The following TFB1M variants were observed in gnomAD, a reference collection of about 807,000 sequenced individuals.
TFB1M encodes the protein transcription factor B1, mitochondrial.
TFB1M carries 27 observed loss-of-function variants against 31.1 expected under a neutral mutation model. The ratio of observed to expected loss-of-function variants is 0.87; its 90% CI spans 0.64 to 1.20. The LOEUF is 1.20. Among genes scored for constraint, TFB1M ranks in the 50% most tolerant of loss-of-function variants. The pLI, the probability that TFB1M is intolerant of heterozygous loss-of-function variation, is 0.00. For synonymous variants in TFB1M, 166 were observed against 151.8 expected, an observed-to-expected ratio of 1.09 and a Z score of -0.69; for missense variants, 394 against 418.7, an observed-to-expected ratio of 0.94 and a Z score of 0.51.
chr6:155,289,322 A>T (rs919925041), intron 4 of TFB1M, among the ~76,000 whole-genome samples: 10 of 152,218 alleles, frequency 6.6e-5, no homozygotes, highest in African/African-American at 2.4e-4. Context: ...CTTGCACATC[A>T]TGACTTTAGC....
At chr6:155,275,531 T>G in intron 5 of TFB1M, 2 of 593,132 alleles carry the variant, frequency 3.4e-6, no homozygotes, top group Non-Finnish European at 6.0e-6. Flanking sequence ...GATACTCAGA[T>G]GTGTTCTTGG....
downstream of TFB1M, chr6:155,254,213 A>C: frequency 5.1e-6 from 5 of 981,054 alleles, no homozygotes; most frequent in Non-Finnish European, 7.5e-6. Context: ...CTAGTAGGAG[A>C]CTATGTTGAT....
At chr6:155,299,945 T>C (rs1304227132) in intron 2 of TFB1M, among the ~76,000 whole-genome samples, 1 of 152,232 alleles carries the variant, frequency 6.6e-6, no homozygotes, top group Admixed American at 6.5e-5. Flanking sequence ...CAAGGACATA[T>C]GCTCCTTAAG....
intron 5 of TFB1M, among the ~76,000 whole-genome samples, chr6:155,261,770 G>T (rs751926398): frequency 1.3e-5 from 2 of 151,876 alleles, no homozygotes; most frequent in Admixed American, 6.6e-5. Context: ...AGGCTTTGGT[G>T]GTAAGGGGCG....
downstream of TFB1M, chr6:155,252,773 A>G (rs1783745744): frequency 1.7e-6 from 1 of 588,928 alleles, no homozygotes; most frequent in South Asian, 2.2e-5. Flanking sequence ...CTTCCCTAGC[A>G]TGTGAGGTCT....
chr6:155,264,300 C>G (rs1027640495), intron 5 of TFB1M: 2 of 152,114 alleles, frequency 1.3e-5, no homozygotes, highest in Admixed American at 6.5e-5. Flanking sequence ...TAAGGAGAAT[C>G]CCAGGTAGAG....
intron 2 of TFB1M, among the ~76,000 whole-genome samples, chr6:155,302,558 T>C (rs936926928): frequency 2.6e-5 from 4 of 152,144 alleles, no homozygotes; most frequent in Non-Finnish European, 4.4e-5. Flanking sequence ...ATAACTTGAA[T>C]TGTATTAAAA....
intron 2 of TFB1M, among the ~76,000 whole-genome samples, chr6:155,299,755 A>T (rs986910529): frequency 2.0e-5 from 3 of 152,022 alleles, no homozygotes; most frequent in South Asian, 2.1e-4. Flanking sequence ...TTTTCTCCTA[A>T]CACCTCTCCT....
intron 5 of TFB1M, among the ~76,000 whole-genome samples, chr6:155,278,102 G>T (rs1390412181): frequency 6.6e-6 from 1 of 152,126 alleles, no homozygotes; most frequent in Non-Finnish European, 1.5e-5. Context: ...TGGCAATCCT[G>T]CAATAAATGA....
At chr6:155,261,332 GAAGA>G (rs1282820123) in intron 5 of TFB1M, among the ~76,000 whole-genome samples, 2 of 152,226 alleles carry the variant, frequency 1.3e-5, no homozygotes, top group Non-Finnish European at 2.9e-5. Flanking sequence ...AACAAAAGGC[GAAGA>G]AAGTACGGCA....
At chr6:155,306,922 A>G (rs1777791785) in intron 2 of TFB1M, among the ~76,000 whole-genome samples, 1 of 152,060 alleles carries the variant, frequency 6.6e-6, no homozygotes. Flanking sequence ...GGAGTTTGAG[A>G]CCACCATGTA....
At chr6:155,258,890 C>G (rs1784252841) in intron 6 of TFB1M, among the ~76,000 whole-genome samples, 1 of 92,374 alleles carries the variant, frequency 1.1e-5, no homozygotes, top group South Asian at 4.0e-4. Flanking sequence ...AGTTTCATGG[C>G]AAAGAGGGCC....
At chr6:155,283,396 C>T (rs1325064578) in intron 5 of TFB1M, among the ~76,000 whole-genome samples, 2 of 152,124 alleles carry the variant, frequency 1.3e-5, no homozygotes, top group South Asian at 2.1e-4. Flanking sequence ...AAGTAAATTG[C>T]TATGAAAATG....
chr6:155,253,957 A>G (rs759469948), downstream of TFB1M: 7 of 1,606,128 alleles, frequency 4.4e-6, no homozygotes, highest in South Asian at 6.7e-5. Flanking sequence ...TCTTGTTTCC[A>G]TTTCCTTTTA....
At chr6:155,293,742 T>C (rs776926022) in intron 4 of TFB1M, among the ~76,000 whole-genome samples, 3 of 152,216 alleles carry the variant, frequency 2.0e-5, no homozygotes, top group Non-Finnish European at 2.9e-5. Flanking sequence ...AAAATAATTA[T>C]TTATCTCCAA....
chr6:155,276,942 A>G (rs778060278), intron 5 of TFB1M, among the ~76,000 whole-genome samples: 2 of 152,254 alleles, frequency 1.3e-5, no homozygotes, highest in Non-Finnish European at 2.9e-5. Context: ...TTAGAAAACT[A>G]TCTACATATA....
Position 155,257,776 on chromosome 6 carries a change from A to G in TFB1M, c.*60T>C, listed in dbSNP as rs1022153533. 3 of 1,604,480 alleles carry G rather than the reference A, an allele frequency of 1.9e-6. No individual in the cohort carries two copies. Among genetic ancestry groups the G allele is most frequent in the African/African-American group, 2.7e-5 (2 of 74,264 alleles). ...TCTGTAAAGACAAAAGAGTACCTAT[A>G]TAAGAAGCTCCACGTAGTGCAAATC... On this transcript the variant is annotated 3_prime_UTR_variant, in exon 7 of 7. Transcript: ENST00000367166.
At chr6:155,260,453 G>A in intron 5 of TFB1M, 53 bp from the exon 6 acceptor site, 2 of 1,612,058 alleles carry the variant, frequency 1.2e-6, no homozygotes, top group Non-Finnish European at 1.7e-6. Context: ...GTGGCATAGT[G>A]TGATCAATCA....
intron 2 of TFB1M, among the ~76,000 whole-genome samples, chr6:155,305,691 T>A (rs1384918847): frequency 8.1e-5 from 2 of 24,842 alleles, no homozygotes; most frequent in Non-Finnish European, 1.4e-4. Context: ...AATTATATAT[T>A]TATATATAAA....
Sources: allele counts gnomAD v4.1 joint callset (sites outside exome capture counted in the v4.1 genomes callset), GRCh38; gene constraint gnomAD v4.1.1; transcripts MANE v1.5; gene names NCBI Gene and HGNC (gene_info 2026-07-23, HGNC 2026-07-21).